Variants in BRF1 observed in about 807,000 individuals in gnomAD.
BRF1 encodes BRF1 general transcription factor IIIB subunit.
A neutral mutation model predicts 81.7 loss-of-function variants in BRF1; 59 were observed. That is an observed-to-expected ratio of 0.72 (90% CI 0.59 to 0.90). The LOEUF is 0.90. Among genes scored for constraint, BRF1 ranks in the 40% least tolerant of loss-of-function variants. The probability of loss-of-function intolerance (pLI) is 0.00; values close to 1 mark genes in which losing one functional copy is unlikely to be tolerated. For synonymous variants in BRF1, 491 were observed against 395.6 expected, an observed-to-expected ratio of 1.24 and a Z score of -2.86; for missense variants, 1,050 against 936.3, an observed-to-expected ratio of 1.12 and a Z score of -1.58.
intron 9 of BRF1, 40 bp downstream of exon 9, chr14:105,226,211 A>G (rs1223606301): frequency 6.2e-7 from 1 of 1,614,040 alleles, no homozygotes; most frequent in Non-Finnish European, 8.5e-7. Flanking sequence ...CAATTTTCCC[A>G]ACAAAACAGA....
intron 1 of BRF1, 103 bp from the exon 2 acceptor site, chr14:105,286,479 G>A: frequency 3.4e-6 from 4 of 1,191,792 alleles, no homozygotes; most frequent in South Asian, 1.3e-5. Flanking sequence ...GCGGGGGTCA[G>A]CACTCATGGG....
Position 105,212,140 on chromosome 14 carries a change from C to T in BRF1, c.1797G>A (p.Gln599=), listed in dbSNP as rs1890219351. The change falls in exon 16 of 18, where the codon CAG becomes CAA. Residue 599 remains glutamine, a synonymous_variant. Coordinates refer to ENST00000547530, the MANE Select transcript of BRF1 (RefSeq NM_001519.4). Reference sequence around the variant, plus strand: ...CTCCCGTGGCCACCTTCTTTGCTGGCTGCGTAGACACCAGAGGCCTCAACC... The same window carrying T: ...CTCCCGTGGCCACCTTCTTTGCTGGTTGCGTAGACACCAGAGGCCTCAACC... ...GKRLRPLVST[Q]PAKKVATGEA... The T allele has an allele frequency of 6.2e-7, 1 of 1,612,684 alleles. No individual in the cohort carries two copies. Among genetic ancestry groups the T allele is most frequent in the Non-Finnish European group, 8.5e-7 (1 of 1,179,716 alleles).
chr14:105,258,616 G>A (rs1396570722), intron 3 of BRF1, among the ~76,000 whole-genome samples: 3 of 151,768 alleles, frequency 2.0e-5, no homozygotes, highest in Non-Finnish European at 4.4e-5. Flanking sequence ...TGGCCAACAT[G>A]GTGAAACCCC....
Position 105,221,788 on chromosome 14 carries a change from C to T in BRF1, c.1175G>A (p.Ser392Asn). The T allele has an allele frequency of 1.2e-6, 2 of 1,611,846 alleles. No homozygotes were observed. The highest frequency in any genetic ancestry group is 1.3e-5 in the African/African-American group (1 of 75,026). ...YRELLGGAPG[S>N]SEAAGSPEWG... ...CTCGGGGCTTCCTGCTGCTTCCGAG[C>T]TGCCGGGGGCACCACCAAGGAGCTC... The change falls in exon 11 of 18, where the codon AGC (serine) becomes AAC (asparagine). Residue 392 changes from serine to asparagine, a missense_variant. This residue lies in a region of BRF1 where 1,043 missense variants were observed against 915.4 expected (regional missense o/e 1.14). Coordinates refer to ENST00000547530, the MANE Select transcript of BRF1 (RefSeq NM_001519.4).
At chr14:105,228,389 A>G (rs1335438149) in intron 7 of BRF1, 1 of 157,784 alleles carries the variant, frequency 6.3e-6, no homozygotes, top group East Asian at 1.8e-4. Flanking sequence ...CATCTCTACT[A>G]AAAAATTAGC....
intron 15 of BRF1, among the ~76,000 whole-genome samples, chr14:105,213,638 C>T (rs1223581818): frequency 2.0e-5 from 3 of 152,124 alleles, no homozygotes; most frequent in Admixed American, 6.5e-5. Flanking sequence ...CTCCCTCCCC[C>T]ACCTGGCACT....
intron 7 of BRF1, chr14:105,227,980 G>A (rs587774141): frequency 6.6e-6 from 1 of 152,302 alleles, no homozygotes; most frequent in Admixed American, 6.5e-5. Flanking sequence ...TATGAAACAG[G>A]GCTGCGGTGC....
At chr14:105,247,877 C>A in intron 5 of BRF1, 1 of 985,660 alleles carries the variant, frequency 1.0e-6, no homozygotes, top group Non-Finnish European at 1.2e-6. Flanking sequence ...AGCCAGTGCC[C>A]CATGCCACGC....
At chr14:105,252,748 C>CA (rs2055681131) in intron 4 of BRF1, among the ~76,000 whole-genome samples, 169 bp from the exon 5 acceptor site, 1 of 152,246 alleles carries the variant, frequency 6.6e-6, no homozygotes, top group South Asian at 2.1e-4. Flanking sequence ...CTGGGGCTCC[C>CA]AGGGCCCTGC....
At chr14:105,216,168 CAG>C (rs747179019) in intron 15 of BRF1, among the ~76,000 whole-genome samples, 1 of 152,168 alleles carries the variant, frequency 6.6e-6, no homozygotes, top group African/African-American at 2.4e-5. Flanking sequence ...TATACACACA[CAG>C]AGAGACACAC....
chr14:105,241,486 C>A (rs1173380180), intron 5 of BRF1, 72 bp from the exon 6 acceptor site: 18 of 1,583,496 alleles, frequency 1.1e-5, no homozygotes, highest in Admixed American at 8.4e-5. Context: ...CCACGCAGCC[C>A]AGGGGTGGGG....
At chr14:105,223,754 TC>T (rs1194823471) in intron 10 of BRF1, among the ~76,000 whole-genome samples, 1 of 152,070 alleles carries the variant, frequency 6.6e-6, no homozygotes, top group East Asian at 1.9e-4. Flanking sequence ...AGTTCAGAAA[TC>T]AAAGGGCACA....
intron 1 of BRF1, among the ~76,000 whole-genome samples, chr14:105,306,365 G>A (rs925804166): frequency 5.3e-5 from 8 of 151,540 alleles, no homozygotes; most frequent in East Asian, 1.9e-4. Context: ...GTGCAGCGGC[G>A]CCATCTCGAC....
At chr14:105,221,564 G>A in intron 11 of BRF1, 84 bp downstream of exon 11, 3 of 1,516,394 alleles carry the variant, frequency 2.0e-6, no homozygotes, top group Admixed American at 2.4e-5. Context: ...GAGGATGGCA[G>A]CATCCGGCTC....
chr14:105,243,941 A>G (rs1358382903), intron 5 of BRF1, among the ~76,000 whole-genome samples: 1 of 152,176 alleles, frequency 6.6e-6, no homozygotes, highest in Non-Finnish European at 1.5e-5. Flanking sequence ...TGGAGGTTGC[A>G]ATGAACCAAG....
chr14:105,295,159 G>A (rs933637818), intron 1 of BRF1, among the ~76,000 whole-genome samples: 56 of 152,034 alleles, frequency 3.7e-4, no homozygotes, highest in Non-Finnish European at 6.6e-4. Flanking sequence ...GCAAGCATCA[G>A]CAGGAACCCT....
At chr14:105,212,311 GTGCTCCATCAGTGCTCAC>G in intron 15 of BRF1, 147 bp from the exon 16 acceptor site, 1 of 1,048,580 alleles carries the variant, frequency 9.5e-7, no homozygotes, top group South Asian at 1.6e-5. Context: ...CAGGTTCTGT[GTGCTCCATCAGTGCTCAC>G]TGCACATCAA....
chr14:105,226,386 CTAGAACT>C, intron 8 of BRF1, 96 bp from the exon 9 acceptor site: 4 of 1,554,624 alleles, frequency 2.6e-6, no homozygotes, highest in Non-Finnish European at 2.7e-6. Context: ...CCACAGGCTG[CTAGAACT>C]TAGGGGTACG....
In BRF1 at chr14:105,310,131, T is replaced by A. The variant is rs1595525262; in HGVS notation, c.-162+5191A>T. ...CAATTCGTGATAGTAGTGACAACTG[T>A]CTCACTTATTCTTTTGTGAATCTTT... On this transcript the variant is annotated intron_variant, in intron 1 of 17. Coordinates refer to the BRF1 transcript ENST00000327359. Among the ~76,000 whole-genome samples the A allele has an allele frequency of 2.0e-5, 3 of 152,100 alleles. No homozygotes were observed. In the South Asian group the frequency reaches 6.2e-4, roughly 32 times the overall value.
Sources: allele counts gnomAD v4.1 joint callset (sites outside exome capture counted in the v4.1 genomes callset), GRCh38; gene constraint gnomAD v4.1.1; regional missense constraint gnomAD v4.1.1; transcripts MANE v1.5; gene names NCBI Gene and HGNC (gene_info 2026-07-23, HGNC 2026-07-21).